Variants in MACROD1 observed in about 807,000 individuals in gnomAD.
MACROD1 encodes the protein ADP-ribose glycohydrolase MACROD1.
A neutral mutation model predicts 41.4 loss-of-function variants in MACROD1; 31 were observed. That is an observed-to-expected ratio of 0.75 (90% confidence interval 0.56 to 1.01). The LOEUF is 1.01. Among genes scored for constraint, MACROD1 ranks in the 50% least tolerant of loss-of-function variants. The probability of loss-of-function intolerance (pLI) is 0.00; values close to 1 mark genes in which losing one functional copy is unlikely to be tolerated. For missense variants in MACROD1, 473 were observed against 460.0 expected, an observed-to-expected ratio of 1.03 and a Z score of -0.26; for synonymous variants, 252 against 203.4, an observed-to-expected ratio of 1.24 and a Z score of -2.03.
intron 3 of MACROD1, among the ~76,000 whole-genome samples, chr11:64,041,346 T>G (rs1233984964): frequency 1.4e-5 from 2 of 138,070 alleles, no homozygotes; most frequent in African/African-American, 5.4e-5. Context: ...CCCCCACCCC[T>G]CCACCCCCCG....
intron 3 of MACROD1, among the ~76,000 whole-genome samples, chr11:64,028,682 C>T (rs1279528904): frequency 6.6e-6 from 1 of 152,088 alleles, no homozygotes; most frequent in Non-Finnish European, 1.5e-5. Context: ...GCCCTCTTCC[C>T]CTCCCCCTCC....
At chr11:64,155,861 C>T (rs1354261896) in intron 1 of MACROD1, among the ~76,000 whole-genome samples, 2 of 151,928 alleles carry the variant, frequency 1.3e-5, no homozygotes, top group African/African-American at 2.4e-5. Context: ...GTAATCCCAG[C>T]ATTTTGGGAG....
Position 64,057,119 on chromosome 11 carries a change from G to A in MACROD1, c.518-41838C>T, listed in dbSNP as rs147066124. On this transcript the variant is annotated intron_variant, in intron 3 of 10. Coordinates refer to ENST00000255681, the MANE Select transcript of MACROD1 (RefSeq NM_014067.4). ...AACAGGGCTTCCTGTGTGTTCATCG[G>A]CTCCCTAAGTGCTTGCTGGACCCGG... 3.1e-3 allele frequency among the ~76,000 whole-genome samples: 476 copies of A among 152,334 alleles called. 3 individuals carry two copies. Among genetic ancestry groups the A allele is most frequent in the African/African-American group, 8.9e-3 (372 of 41,574 alleles).
At chr11:64,138,921 T>A (rs1398203068) in intron 3 of MACROD1, among the ~76,000 whole-genome samples, 1 of 152,102 alleles carries the variant, frequency 6.6e-6, no homozygotes, top group Non-Finnish European at 1.5e-5. Context: ...GCACCTGCCA[T>A]CATGCCCAGC....
intron 3 of MACROD1, among the ~76,000 whole-genome samples, chr11:64,087,407 C>G (rs888236036): frequency 1.3e-5 from 2 of 152,178 alleles, no homozygotes; most frequent in African/African-American, 4.8e-5. Flanking sequence ...GTCCCCAGCC[C>G]GAGGAGACTC....
chr11:64,038,375 G>C (rs571027547), intron 3 of MACROD1, among the ~76,000 whole-genome samples: 1 of 152,352 alleles, frequency 6.6e-6, no homozygotes, highest in East Asian at 1.9e-4. Flanking sequence ...GGTGTTCTGC[G>C]TGTGGGTGCA....
At chr11:64,116,625 G>A (rs1944986914) in intron 3 of MACROD1, 9 of 1,614,172 alleles carry the variant, frequency 5.6e-6, no homozygotes, top group Non-Finnish European at 6.8e-6. Context: ...TGACCTGGAT[G>A]AGTTCCCCAT....
intron 3 of MACROD1, among the ~76,000 whole-genome samples, chr11:64,132,981 G>T (rs752011809): frequency 2.6e-5 from 4 of 152,168 alleles, no homozygotes; most frequent in Non-Finnish European, 5.9e-5. Flanking sequence ...CCACTGCCCC[G>T]AGTCCTGGCC....
At chr11:64,133,930 A>G (rs571829577) in intron 3 of MACROD1, among the ~76,000 whole-genome samples, 274 of 152,354 alleles carry the variant, frequency 1.8e-3, no homozygotes, top group African/African-American at 6.4e-3. Flanking sequence ...TGGGACCTGG[A>G]GGACGGTCGG....
chr11:64,022,698 T>TC (rs934035507), intron 3 of MACROD1, among the ~76,000 whole-genome samples: 9 of 151,940 alleles, frequency 5.9e-5, no homozygotes, highest in Non-Finnish European at 2.9e-5. Context: ...ACAAGCTCTG[T>TC]CCCCCCAGGC....
At chr11:64,116,243 G>A (rs1247025482) in intron 3 of MACROD1, 1 of 1,580,822 alleles carries the variant, frequency 6.3e-7, no homozygotes, top group African/African-American at 1.3e-5. Context: ...GGCCAGGTGG[G>A]GCCGGACGCC....
chr11:64,085,154 G>A (rs980075082), intron 3 of MACROD1, among the ~76,000 whole-genome samples: 11 of 152,226 alleles, frequency 7.2e-5, no homozygotes, highest in Non-Finnish European at 1.2e-4. Flanking sequence ...GGCAGAGGAT[G>A]GGGCTTGAGG....
At chr11:64,040,861 G>A (rs981410975) in intron 3 of MACROD1, among the ~76,000 whole-genome samples, 25 of 152,202 alleles carry the variant, frequency 1.6e-4, no homozygotes, top group Non-Finnish European at 2.6e-4. Context: ...AGCCACTAGG[G>A]GACACTGCCT....
chr11:64,030,368 T>C (rs1174677342), intron 3 of MACROD1, among the ~76,000 whole-genome samples: 2 of 152,166 alleles, frequency 1.3e-5, no homozygotes, highest in African/African-American at 4.8e-5. Flanking sequence ...TAATGTTCTG[T>C]CCATTCATTC....
intron 3 of MACROD1, among the ~76,000 whole-genome samples, chr11:64,033,925 C>G (rs372515904): frequency 6.6e-6 from 1 of 152,104 alleles, no homozygotes; most frequent in Non-Finnish European, 1.5e-5. Flanking sequence ...CCACAGCCCC[C>G]CAAAGCTCTG....
intron 1 of MACROD1, among the ~76,000 whole-genome samples, chr11:64,163,342 C>A (rs1249265189): frequency 1.3e-5 from 2 of 152,138 alleles, no homozygotes; most frequent in Admixed American, 6.5e-5. Context: ...CCTTCAAATT[C>A]TTTGAGATTC....
intron 3 of MACROD1, among the ~76,000 whole-genome samples, chr11:64,100,429 T>C (rs190475074): frequency 5.3e-5 from 8 of 152,332 alleles, no homozygotes; most frequent in African/African-American, 1.9e-4. Context: ...AAATGGTTTA[T>C]TGGTTTTGAG....
intron 3 of MACROD1, among the ~76,000 whole-genome samples, chr11:64,091,525 G>C (rs960698226): frequency 6.6e-6 from 1 of 152,110 alleles, no homozygotes; most frequent in Non-Finnish European, 1.5e-5. Context: ...GGTTACAACA[G>C]TAGCTGAGGT....
rs1944320336 is a variant in MACROD1 at position 64,082,418 on chromosome 11, AAGGTGAGGGGCAGGC to A, written c.518-67152_518-67138del. 6.6e-6 allele frequency among the ~76,000 whole-genome samples: 1 copy of A among 151,760 alleles called. No individual in the cohort carries two copies. Among genetic ancestry groups the A allele is most frequent in the South Asian group, 2.1e-4 (1 of 4,788 alleles). Reference sequence around the variant, plus strand: ...AGGGAGCCTGAAGTGGGGGCGTCCTAAGGTGAGGGGCAGGCAGGTGAGGGGCTTGAGGGCAGGGCT... The same window carrying A: ...AGGGAGCCTGAAGTGGGGGCGTCCTAAGGTGAGGGGCTTGAGGGCAGGGCT... On this transcript the variant is annotated intron_variant, in intron 3 of 10. Coordinates refer to ENST00000255681, the MANE Select transcript of MACROD1 (RefSeq NM_014067.4). This position sits in a 1 kb window ranked among gnomAD's most constrained non-coding sequence, Gnocchi z 4.5.
Sources: gnomAD v4.1 joint callset for allele counts (sites outside exome capture counted in the v4.1 genomes callset) on GRCh38, gnomAD v4.1.1 for gene constraint, Gnocchi (gnomAD v3.1) non-coding constraint, MANE v1.5 for transcripts, NCBI Gene and HGNC (gene_info 2026-07-23, HGNC 2026-07-21) for gene names.